KCNN2: variants seen among roughly 807,000 people sequenced by gnomAD.
The protein encoded by KCNN2 is potassium calcium-activated channel subfamily N member 2, also known as small conductance calcium-activated potassium channel protein 2.
Under a neutral mutation model 55.5 loss-of-function variants are expected in KCNN2, and 24 were observed. The observed-to-expected ratio is 0.43, with a 90% CI of 0.31 to 0.61. KCNN2 has a LOEUF of 0.61. Ranked by LOEUF, KCNN2 falls within the 20% of genes least tolerant of loss-of-function variation. The pLI, the probability that KCNN2 is intolerant of heterozygous loss-of-function variation, is 0.08. For synonymous variants in KCNN2, 431 were observed against 336.1 expected, an observed-to-expected ratio of 1.28 and a Z score of -3.09; for missense variants, 754 against 853.6, an observed-to-expected ratio of 0.88 and a Z score of 1.45.
chr5:114,263,936 C>A (rs1268900735), intron 2 of KCNN2, among the ~76,000 whole-genome samples: 1 of 152,132 alleles, frequency 6.6e-6, no homozygotes, highest in Non-Finnish European at 1.5e-5. Flanking sequence ...TCATCCTGAG[C>A]TGACCCAAAT....
At chr5:114,069,173 G>A (rs1248953605) in intron 1 of KCNN2, among the ~76,000 whole-genome samples, 2 of 152,164 alleles carry the variant, frequency 1.3e-5, no homozygotes, top group Admixed American at 6.5e-5. Flanking sequence ...AGTTTGTACA[G>A]TGTACCTGGT....
At chr5:114,172,593 G>GTT (rs1216509206) in intron 1 of KCNN2, among the ~76,000 whole-genome samples, 2 of 114,870 alleles carry the variant, frequency 1.7e-5, no homozygotes, top group Non-Finnish European at 4.2e-5. Flanking sequence ...CACATATTTA[G>GTT]TTATATATAT....
At chr5:114,248,423 G>T (rs1754789989) in intron 2 of KCNN2, among the ~76,000 whole-genome samples, 1 of 152,154 alleles carries the variant, frequency 6.6e-6, no homozygotes, top group African/African-American at 2.4e-5. Context: ...GAACATGTAG[G>T]TAGATGATAG....
At chr5:114,276,781 CTT>C (rs569356162) in intron 2 of KCNN2, among the ~76,000 whole-genome samples, 89 of 151,854 alleles carry the variant, frequency 5.9e-4, no homozygotes, top group African/African-American at 2.1e-3. Flanking sequence ...GGTCTTGACT[CTT>C]TATCCAATTT....
chr5:114,296,975 T>G (rs1756022978), intron 2 of KCNN2, among the ~76,000 whole-genome samples: 1 of 152,188 alleles, frequency 6.6e-6, no homozygotes, highest in Non-Finnish European at 1.5e-5. Context: ...TCTGTGTGAG[T>G]ATTTCCTCCT....
intron 4 of KCNN2, among the ~76,000 whole-genome samples, chr5:114,466,141 T>C (rs1161023254): frequency 6.6e-6 from 1 of 151,964 alleles, no homozygotes; most frequent in Non-Finnish European, 1.5e-5. Context: ...TGAGATTGCC[T>C]AATAGAAGAA....
intron 2 of KCNN2, among the ~76,000 whole-genome samples, chr5:114,250,679 G>A (rs2112625950): frequency 6.6e-6 from 1 of 152,286 alleles, no homozygotes; most frequent in South Asian, 2.1e-4. Flanking sequence ...GGCCCCTGAA[G>A]GAATGCAGGC....
In KCNN2 at chr5:114,293,796, A is replaced by T. The variant is rs984283658; in HGVS notation, c.-184-67149A>T. Reference sequence around the variant, plus strand: ...CAGTTCCTCCTTTTACCTCTGGTAGAATTCGGCTGTGAATCCATCTGGTCC... The same window carrying T: ...CAGTTCCTCCTTTTACCTCTGGTAGTATTCGGCTGTGAATCCATCTGGTCC... On this transcript the variant is annotated intron_variant, in intron 2 of 10. Coordinates refer to the KCNN2 transcript ENST00000512097. Among the ~76,000 whole-genome samples, 109 of 152,130 alleles carry T rather than the reference A, an allele frequency of 7.2e-4. 2 individuals are homozygous for T. Among genetic ancestry groups the T allele is most frequent in the Admixed American group, 7.1e-3 (108 of 15,266 alleles).
At chr5:114,388,643 G>T (rs1758356587) in intron 2 of KCNN2, among the ~76,000 whole-genome samples, 1 of 151,940 alleles carries the variant, frequency 6.6e-6, no homozygotes, top group Non-Finnish European at 1.5e-5. Flanking sequence ...TTTACTTCTT[G>T]CTGCATGCAG....
In KCNN2 at chr5:114,496,316, C is replaced by CT; in HGVS notation, c.*135dup. 2 of 1,001,998 alleles carry CT rather than the reference C, an allele frequency of 2.0e-6. No individual in the cohort carries two copies. The highest frequency in any genetic ancestry group is 2.6e-5 in the East Asian group (1 of 38,522). 62.1% of individuals were successfully genotyped at this position (1,001,998 alleles called of 1,614,324 possible). The stretch of plus-strand genomic sequence containing the variant: ...TGTCAGAATCCTGGGAACCTGAACA[C>CT]TAAGTTTTAGGCCAAAATGAGTGAA... On this transcript the variant is annotated 3_prime_UTR_variant, in exon 8 of 8. Coordinates refer to ENST00000673685, the MANE Select transcript of KCNN2 (RefSeq NM_021614.4).
chr5:114,386,318 T>C (rs1369034280), intron 2 of KCNN2, among the ~76,000 whole-genome samples: 1 of 152,192 alleles, frequency 6.6e-6, no homozygotes, highest in Non-Finnish European at 1.5e-5. Flanking sequence ...CCCTTGTATT[T>C]TGAGTTCTTA....
At chr5:114,110,516 TA>T (rs1751575535) in intron 1 of KCNN2, among the ~76,000 whole-genome samples, 1 of 152,022 alleles carries the variant, frequency 6.6e-6, no homozygotes, top group Non-Finnish European at 1.5e-5. Flanking sequence ...AATCCAAAAA[TA>T]TTGTAGAATT....
chr5:114,390,210 G>A (rs1432530178), intron 2 of KCNN2, among the ~76,000 whole-genome samples: 2 of 152,040 alleles, frequency 1.3e-5, no homozygotes, highest in East Asian at 1.9e-4. Flanking sequence ...AATCAAACAC[G>A]TTGGCTTATA....
chr5:114,289,467 C>T (rs1159281884), intron 2 of KCNN2, among the ~76,000 whole-genome samples: 2 of 151,338 alleles, frequency 1.3e-5, no homozygotes, highest in African/African-American at 4.9e-5. Context: ...ACCTCCACCT[C>T]GCAGATTCAA....
intron 3 of KCNN2, among the ~76,000 whole-genome samples, chr5:114,405,821 C>T (rs575809697): frequency 3.3e-5 from 5 of 151,906 alleles, no homozygotes; most frequent in Admixed American, 2.0e-4. Context: ...CACCATTCTC[C>T]TGCCTCAGCC....
intron 2 of KCNN2, among the ~76,000 whole-genome samples, chr5:114,320,963 A>T (rs1480215536): frequency 6.6e-6 from 1 of 152,122 alleles, no homozygotes; most frequent in Non-Finnish European, 1.5e-5. Context: ...CATTGCACAG[A>T]TCTCTGATGG....
intron 2 of KCNN2, among the ~76,000 whole-genome samples, chr5:114,391,537 A>G (rs1162730326): frequency 6.6e-6 from 1 of 152,134 alleles, no homozygotes; most frequent in African/African-American, 2.4e-5. Flanking sequence ...ACACTACCAG[A>G]TATTCAGAGC....
chr5:114,062,100 C>CT (rs35235217), intron 1 of KCNN2, among the ~76,000 whole-genome samples: 19,573 of 143,264 alleles, frequency 0.14, 1,370 homozygotes, highest in Middle Eastern at 0.22. Flanking sequence ...TATATGGGTT[C>CT]TTTTTTTTTT....
At chr5:114,225,753 A>T (rs757845602) in intron 2 of KCNN2, among the ~76,000 whole-genome samples, 15 of 152,230 alleles carry the variant, frequency 9.9e-5, no homozygotes, top group Non-Finnish European at 2.1e-4. Flanking sequence ...ACAAAATTTC[A>T]GATTCTGAGG....
Sources: allele counts gnomAD v4.1 joint callset (sites outside exome capture counted in the v4.1 genomes callset), GRCh38; gene constraint gnomAD v4.1.1; transcripts MANE v1.5; gene names NCBI Gene and HGNC (gene_info 2026-07-23, HGNC 2026-07-21).